OLFM3: variants seen among roughly 807,000 people sequenced by gnomAD.
OLFM3 encodes the protein olfactomedin 3.
In OLFM3, 20 loss-of-function variants were observed where a neutral mutation model predicts 48.6. That is an observed-to-expected ratio of 0.41 (90% CI 0.29 to 0.60). The LOEUF (loss-of-function observed/expected upper bound fraction) is 0.60. Ranked by LOEUF, OLFM3 falls within the 20% of genes least tolerant of loss-of-function variation. The probability of loss-of-function intolerance (pLI) is 0.28; values close to 1 mark genes in which losing one functional copy is unlikely to be tolerated. For synonymous variants in OLFM3, 222 were observed against 198.1 expected, an observed-to-expected ratio of 1.12 and a Z score of -1.01; for missense variants, 437 against 544.3, an observed-to-expected ratio of 0.80 and a Z score of 1.96.
chr1:101,840,598 G>A (rs1300686749), intron 1 of OLFM3, among the ~76,000 whole-genome samples: 1 of 151,848 alleles, frequency 6.6e-6, no homozygotes, highest in Non-Finnish European at 1.5e-5. Context: ...AGTTTCCTGA[G>A]TAGCTGAGAC....
chr1:101,854,683 G>T (rs1275354791), intron 1 of OLFM3, among the ~76,000 whole-genome samples: 2 of 151,970 alleles, frequency 1.3e-5, no homozygotes, highest in African/African-American at 4.8e-5. Flanking sequence ...AGGAAATAAA[G>T]ATATTAAACA....
At chr1:101,843,502 C>T (rs1655833151) in intron 1 of OLFM3, among the ~76,000 whole-genome samples, 1 of 151,946 alleles carries the variant, frequency 6.6e-6, no homozygotes, top group Admixed American at 6.6e-5. Flanking sequence ...GGCTGATGGG[C>T]CCAGTGGATA....
At chr1:101,834,412 A>T (rs1026660999) in intron 2 of OLFM3, among the ~76,000 whole-genome samples, 1 of 152,230 alleles carries the variant, frequency 6.6e-6, no homozygotes, top group Non-Finnish European at 1.5e-5. Context: ...ATATTCCCTT[A>T]TATGTGACTA....
intron 1 of OLFM3, among the ~76,000 whole-genome samples, chr1:101,991,016 A>AAAAAAAATATAT (rs1553186119): frequency 3.7e-4 from 12 of 32,214 alleles, no homozygotes; most frequent in Non-Finnish European, 4.2e-4. Context: ...AAAAAAAAAA[A>AAAAAAAATATAT]ATATATATAT....
At chr1:101,892,583 C>CA (rs2101007007) in intron 1 of OLFM3, among the ~76,000 whole-genome samples, 1 of 152,130 alleles carries the variant, frequency 6.6e-6, no homozygotes, top group African/African-American at 2.4e-5. Flanking sequence ...CCTCCTCTCC[C>CA]ATTGCCACCC....
At chr1:101,812,956 A>G in intron 4 of OLFM3, 1 of 1,016,898 alleles carries the variant, frequency 9.8e-7, no homozygotes, top group Non-Finnish European at 1.2e-6. Flanking sequence ...CTATTTAAAG[A>G]TATAATAATT....
chr1:101,887,540 TCTTAA>T lies in OLFM3; in HGVS notation c.70-50520_70-50516del, dbSNP rs1338952878. Among the ~76,000 whole-genome samples, 6 of 152,166 alleles carry T rather than the reference TCTTAA, an allele frequency of 3.9e-5. No homozygotes were observed. In the East Asian group the frequency reaches 1.2e-3, roughly 29 times the overall value. ...TAAGGTCAATAATGTCTAGGACATC[TCTTAA>T]TTCAGTTTCATACAGGGAACAGGCA... On this transcript the variant is annotated intron_variant, in intron 1 of 5. Coordinates refer to ENST00000370103, the MANE Select transcript of OLFM3 (RefSeq NM_058170.4).
chr1:101,991,362 G>C (rs1570696596), intron 1 of OLFM3, among the ~76,000 whole-genome samples: 1 of 152,034 alleles, frequency 6.6e-6, no homozygotes, highest in East Asian at 1.9e-4. Flanking sequence ...GTGCTTTTAA[G>C]TAAATTGATG....
In OLFM3 at chr1:101,884,770, A is replaced by G. The variant is rs1570596023; in HGVS notation, c.70-47745T>C. ...TTGATGCTTTGTCCCTGAAGTCAGG[A>G]AGTACATTGTTAGTAAGGGCTTGCC... is the stretch of plus-strand genomic sequence containing the variant. On this transcript the variant is annotated intron_variant, in intron 1 of 5. Transcript: ENST00000370103. Among the ~76,000 whole-genome samples, 5 of 152,098 alleles carry G rather than the reference A, an allele frequency of 3.3e-5. No individual in the cohort carries two copies. In the South Asian group the frequency reaches 1.0e-3, roughly 32 times the overall value.
chr1:101,941,447 T>C (rs1486778375), intron 1 of OLFM3, among the ~76,000 whole-genome samples: 1 of 152,124 alleles, frequency 6.6e-6, no homozygotes, highest in Non-Finnish European at 1.5e-5. Context: ...AAGGTAGAAC[T>C]GAGAGATTAT....
At chr1:101,956,103 T>TTTTTTTAA (rs781231551) in intron 1 of OLFM3, among the ~76,000 whole-genome samples, 2 of 143,362 alleles carry the variant, frequency 1.4e-5, no homozygotes, top group African/African-American at 5.3e-5. Context: ...TTTTTTTTTT[T>TTTTTTTAA]AAAAAAAACC....
At chr1:101,902,054 T>G (rs1354954980) in intron 1 of OLFM3, among the ~76,000 whole-genome samples, 2 of 151,836 alleles carry the variant, frequency 1.3e-5, no homozygotes, top group Non-Finnish European at 2.9e-5. Flanking sequence ...TGATGAGAGA[T>G]ATTACTATTG....
intron 1 of OLFM3, among the ~76,000 whole-genome samples, chr1:101,857,739 T>G (rs1472824081): frequency 6.6e-6 from 1 of 151,968 alleles, no homozygotes; most frequent in African/African-American, 2.4e-5. Context: ...CACCAAACTT[T>G]ATTGAGTCCT....
At chr1:101,826,548 T>C (rs921650614) in intron 3 of OLFM3, among the ~76,000 whole-genome samples, 4 of 152,296 alleles carry the variant, frequency 2.6e-5, no homozygotes, top group South Asian at 4.1e-4. Flanking sequence ...GGAGCTCCCA[T>C]TGCTGCCCTG....
At chr1:101,947,704 A>T (rs911761016) in intron 1 of OLFM3, among the ~76,000 whole-genome samples, 1 of 152,214 alleles carries the variant, frequency 6.6e-6, no homozygotes, top group Non-Finnish European at 1.5e-5. Context: ...ACTTTTAGTC[A>T]TTGATAAAAG....
intron 1 of OLFM3, among the ~76,000 whole-genome samples, chr1:101,844,932 T>A (rs1655914905): frequency 6.6e-6 from 1 of 152,200 alleles, no homozygotes; most frequent in South Asian, 2.1e-4. Context: ...GAGATACTGA[T>A]GCATTCATTC....
intron 1 of OLFM3, among the ~76,000 whole-genome samples, chr1:101,861,638 A>C (rs1202402232): frequency 1.3e-5 from 2 of 152,230 alleles, no homozygotes; most frequent in Non-Finnish European, 2.9e-5. Context: ...TGAAGTTAGC[A>C]GTATGGCATG....
rs188635398 is a variant in OLFM3, at chr1:101,833,601, C to T, written c.217-2774G>A. On this transcript the variant is annotated intron_variant, in intron 2 of 5. Coordinates refer to ENST00000370103, the MANE Select transcript of OLFM3 (RefSeq NM_058170.4). ...CAGCATAGTTTGGCAAGCTCATTGTCGCCCTTCCTGGATAATTCTTTTGGA... is the reference window on the plus strand; with the variant it reads ...CAGCATAGTTTGGCAAGCTCATTGTTGCCCTTCCTGGATAATTCTTTTGGA... Among the ~76,000 whole-genome samples, 241 of 152,222 alleles carry T rather than the reference C, an allele frequency of 1.6e-3. 1 individual carries two copies. Among genetic ancestry groups the T allele is most frequent in the African/African-American group, 5.5e-3 (227 of 41,534 alleles).
intron 2 of OLFM3, among the ~76,000 whole-genome samples, chr1:101,831,653 T>C (rs1464428779): frequency 3.3e-5 from 5 of 152,166 alleles, no homozygotes; most frequent in African/African-American, 1.2e-4. Context: ...GTTATAAAGA[T>C]TAAGATAGAT....
Sources: allele counts gnomAD v4.1 joint callset (sites outside exome capture counted in the v4.1 genomes callset), GRCh38; gene constraint gnomAD v4.1.1; transcripts MANE v1.5; gene names NCBI Gene and HGNC (gene_info 2026-07-23, HGNC 2026-07-21).